MTPN: variants seen among roughly 807,000 people sequenced by gnomAD.
MTPN encodes myotrophin.
A neutral mutation model predicts 13.5 loss-of-function variants in MTPN; 2 were observed. That is an observed-to-expected ratio of 0.15 (90% CI 0.06 to 0.47). The LOEUF (loss-of-function observed/expected upper bound fraction) is 0.47, where lower values mean the gene tolerates loss of function less well. Ranked by LOEUF, MTPN falls within the 20% of genes least tolerant of loss-of-function variation. The pLI is 0.97. For synonymous variants in MTPN, 46 were observed against 51.7 expected, an observed-to-expected ratio of 0.89 and a Z score of 0.48; for missense variants, 79 against 137.9, an observed-to-expected ratio of 0.57 and a Z score of 2.14.
At chr7:135,963,921 A>C (rs867778484) in intron 1 of MTPN, among the ~76,000 whole-genome samples, 3 of 152,206 alleles carry the variant, frequency 2.0e-5, no homozygotes, top group East Asian at 3.9e-4. Flanking sequence ...AATTACACTT[A>C]GAAATTTTCT....
intron 3 of MTPN, among the ~76,000 whole-genome samples, chr7:135,947,269 A>AC (rs1799300177): frequency 6.6e-6 from 1 of 151,964 alleles, no homozygotes; most frequent in African/African-American, 2.4e-5. Context: ...GGTACTAGGC[A>AC]CCTCTGGGCG....
chr7:135,927,664 CTG>C lies in MTPN; in HGVS notation c.*2260_*2261del, dbSNP rs1209537375. 14 of 599,846 alleles carry C rather than the reference CTG, an allele frequency of 2.3e-5. No homozygotes were observed. The highest frequency in any genetic ancestry group is 1.1e-4 in the Admixed American group (5 of 45,260). The allele number at this position is 599,846 out of a possible 1,614,324, so 37.2% of individuals were successfully genotyped here. A position where few individuals can be genotyped will look rare whatever the true frequency, so the allele number is the denominator to read the frequency against. ...TAAATAACCTAGTTAAAAAAAGAAACTGTGAACCATCTTGGTCAGTCTATTCT... is the reference window on the plus strand; with the variant it reads ...TAAATAACCTAGTTAAAAAAAGAAACTGAACCATCTTGGTCAGTCTATTCT... On this transcript the variant is annotated 3_prime_UTR_variant, in exon 4 of 4. Coordinates refer to ENST00000393085, the MANE Select transcript of MTPN (RefSeq NM_145808.4).
In MTPN at chr7:135,929,783, A is replaced by G. The variant is rs1030841748; in HGVS notation, c.*143T>C. 3 of 783,202 alleles carry G rather than the reference A, an allele frequency of 3.8e-6. No individual in the cohort carries two copies. The African/African-American group carries it at 5.2e-5, about 14-fold the overall frequency. 48.5% of individuals were successfully genotyped at this position (783,202 alleles called of 1,614,324 possible). On this transcript the variant is annotated 3_prime_UTR_variant, in exon 4 of 4. Transcript: ENST00000393085. ...ACAATTTTTTTTTTCTGGTAGTCGG[A>G]TTTGTTATGAATTTCTCTCTCCCCT...
intron 3 of MTPN, among the ~76,000 whole-genome samples, chr7:135,944,637 ACT>A (rs899348699): frequency 1.3e-5 from 2 of 152,000 alleles, no homozygotes; most frequent in South Asian, 2.1e-4. Context: ...ACAGAGGGAG[ACT>A]CTGTCTCAAA....
At chr7:135,959,939 T>TG (rs1457972892) in intron 1 of MTPN, among the ~76,000 whole-genome samples, 1 of 152,048 alleles carries the variant, frequency 6.6e-6, no homozygotes, top group Non-Finnish European at 1.5e-5. Context: ...CTCTTTACAA[T>TG]GCCAAGTTGT....
Position 135,930,632 on chromosome 7 carries a change from A to C in MTPN, c.271-620T>G, listed in dbSNP as rs577053734. Among the ~76,000 whole-genome samples, 8 of 152,322 alleles carry C rather than the reference A, an allele frequency of 5.3e-5. No individual in the cohort carries two copies. In the South Asian group the frequency reaches 1.7e-3, roughly 32 times the overall value. On this transcript the variant is annotated intron_variant, in intron 3 of 3. Coordinates refer to ENST00000393085, the MANE Select transcript of MTPN (RefSeq NM_145808.4). ...TGGAACATTTTATCTGCAACGCGGC[A>C]TTCTGGTTTTGAGAGTGTGTATGTG... is the stretch of plus-strand genomic sequence containing the variant.
At chr7:135,931,859 TTA>T (rs527490675) in intron 3 of MTPN, among the ~76,000 whole-genome samples, 1 of 152,140 alleles carries the variant, frequency 6.6e-6, no homozygotes, top group Non-Finnish European at 1.5e-5. Context: ...TACATAACAG[TTA>T]TATATATAGA....
intron 1 of MTPN, among the ~76,000 whole-genome samples, chr7:135,968,885 C>T (rs1799646150): frequency 6.6e-6 from 1 of 151,718 alleles, no homozygotes; most frequent in Non-Finnish European, 1.5e-5. Flanking sequence ...GATACTAAAA[C>T]CTATTTTGAA....
intron 1 of MTPN, among the ~76,000 whole-genome samples, chr7:135,957,394 C>A (rs1799457916): frequency 1.3e-5 from 2 of 151,910 alleles, no homozygotes; most frequent in Admixed American, 1.3e-4. Context: ...AATTCTAAAC[C>A]AAATGGAACC....
intron 1 of MTPN, among the ~76,000 whole-genome samples, chr7:135,971,953 T>C (rs552623681): frequency 2.0e-5 from 3 of 152,222 alleles, no homozygotes; most frequent in Non-Finnish European, 4.4e-5. Flanking sequence ...GTCACTCTTA[T>C]GGACACGTCT....
At chr7:135,965,540 C>T (rs1034052157) in intron 1 of MTPN, among the ~76,000 whole-genome samples, 2 of 151,998 alleles carry the variant, frequency 1.3e-5, no homozygotes, top group African/African-American at 4.8e-5. Flanking sequence ...TTTCTTAATA[C>T]CAAGGTAAAA....
At chr7:135,976,931 GC>G in intron 1 of MTPN, 97 bp downstream of exon 1, 1 of 247,794 alleles carries the variant, frequency 4.0e-6, no homozygotes, top group Non-Finnish European at 8.6e-6. Context: ...CTCTCCTCCC[GC>G]CCACCCCCAT....
intron 1 of MTPN, among the ~76,000 whole-genome samples, chr7:135,952,929 A>G (rs992122190): frequency 2.0e-5 from 3 of 152,154 alleles, no homozygotes; most frequent in East Asian, 3.8e-4. Flanking sequence ...ACTACACTCC[A>G]GCCTGGGTGA....
intron 3 of MTPN, among the ~76,000 whole-genome samples, chr7:135,936,668 T>C (rs1305902808): frequency 6.6e-6 from 1 of 152,180 alleles, no homozygotes; most frequent in Non-Finnish European, 1.5e-5. Flanking sequence ...TATTTTCAGG[T>C]AATTGCAACA....
At chr7:135,931,447 G>C (rs62489142) in intron 3 of MTPN, among the ~76,000 whole-genome samples, 3,582 of 152,168 alleles carry the variant, frequency 0.024, 60 homozygotes, top group Non-Finnish European at 0.037. Context: ...TGACATTTTA[G>C]GAAGTGTTAA....
intron 3 of MTPN, among the ~76,000 whole-genome samples, chr7:135,947,414 C>A (rs1050264981): frequency 6.6e-6 from 1 of 152,056 alleles, no homozygotes; most frequent in African/African-American, 2.4e-5. Flanking sequence ...GGATCCAATT[C>A]TTCTGGTCCA....
At chr7:135,936,538 TA>T (rs1799117026) in intron 3 of MTPN, among the ~76,000 whole-genome samples, 1 of 152,204 alleles carries the variant, frequency 6.6e-6, no homozygotes, top group African/African-American at 2.4e-5. Flanking sequence ...AGGAACTTGA[TA>T]AAATAATTAT....
At chr7:135,948,676 T>C (rs2116370923) in intron 3 of MTPN, among the ~76,000 whole-genome samples, 1 of 152,308 alleles carries the variant, frequency 6.6e-6, no homozygotes, top group Non-Finnish European at 1.5e-5. Flanking sequence ...GTTTTGGGAA[T>C]AAGGAGTACA....
chr7:135,959,491 T>C (rs1799491158), intron 1 of MTPN, among the ~76,000 whole-genome samples: 1 of 152,130 alleles, frequency 6.6e-6, no homozygotes, highest in East Asian at 1.9e-4. Context: ...GACATTAGAG[T>C]GTAAAGTATA....
Sources: allele counts gnomAD v4.1 joint callset (sites outside exome capture counted in the v4.1 genomes callset), GRCh38; gene constraint gnomAD v4.1.1; transcripts MANE v1.5; gene names NCBI Gene and HGNC (gene_info 2026-07-23, HGNC 2026-07-21).